ZNF782: variants seen among roughly 807,000 people sequenced by gnomAD.
ZNF782 encodes zinc finger protein 782.
ZNF782 carries 12 observed loss-of-function variants against 13.0 expected under a neutral mutation model. The observed-to-expected ratio is 0.92, with a 90% CI of 0.59 to 1.50. The LOEUF is 1.50. ZNF782 is among the 40% of genes most tolerant of loss of function. The pLI, the probability that ZNF782 is intolerant of heterozygous loss-of-function variation, is 0.00. For missense variants in ZNF782, 770 were observed against 822.9 expected, an observed-to-expected ratio of 0.94 and a Z score of 0.79; for synonymous variants, 284 against 283.0, an observed-to-expected ratio of 1.00 and a Z score of -0.04.
intron 1 of ZNF782, among the ~76,000 whole-genome samples, chr9:96,863,292 A>G (rs1162906564): frequency 6.6e-6 from 1 of 152,106 alleles, no homozygotes. Flanking sequence ...GGGAAATGCA[A>G]ACGAAAACCA....
At chr9:96,831,850 C>T (rs2406183) in intron 4 of ZNF782, among the ~76,000 whole-genome samples, 1,714 of 152,090 alleles carry the variant, frequency 0.011, 47 homozygotes, top group African/African-American at 0.039. Flanking sequence ...ATTAATGTTC[C>T]ATGGTATACC....
the ZNF782 span, among the ~76,000 whole-genome samples, chr9:96,911,507 T>G: frequency 6.1e-5 from 9 of 147,746 alleles, no homozygotes; most frequent in Non-Finnish European, 7.4e-5. Flanking sequence ...AAGTTTTTTT[T>G]TTGTTTTTGT....
the ZNF782 span, chr9:96,889,770 ATGTG>A: frequency 3.3e-5 from 5 of 151,960 alleles, no homozygotes; most frequent in African/African-American, 7.2e-5. Flanking sequence ...ATATATATGT[ATGTG>A]TGTGTGTGTA....
the ZNF782 span, chr9:96,933,525 C>T: frequency 6.6e-6 from 1 of 151,950 alleles, no homozygotes; most frequent in African/African-American, 2.4e-5. Flanking sequence ...TGCCCGCCAC[C>T]ATGCCCGGCT....
chr9:96,838,849 G>A (rs1375864768), intron 4 of ZNF782, among the ~76,000 whole-genome samples: 1 of 151,722 alleles, frequency 6.6e-6, no homozygotes, highest in Non-Finnish European at 1.5e-5. Flanking sequence ...CCAAGTAGCT[G>A]GAATTACAGG....
At chr9:96,880,915 G>A in the ZNF782 span, among the ~76,000 whole-genome samples, 66 of 152,098 alleles carry the variant, frequency 4.3e-4, no homozygotes, top group Non-Finnish European at 8.1e-4. Flanking sequence ...TATGCCTGGA[G>A]ATTTCCTTTT....
Position 96,845,008 on chromosome 9 carries a change from C to T in ZNF782, c.24G>A (p.Val8=). The part of the protein sequence containing the change: MNTFQAS[V]SFQDVTVEFS... ...ATTCCACAGTCACGTCCTGGAATGA[C>T]ACTGATGCCTGTAACAGCGCATTTC... The change falls in exon 4 of 6, where the codon GTG becomes GTA. Residue 8 remains valine, a synonymous_variant. Transcript: ENST00000481138. The T allele has an allele frequency of 6.2e-7, 1 of 1,614,018 alleles. No individual in the cohort carries two copies. Among genetic ancestry groups the T allele is most frequent in the African/African-American group, 1.3e-5 (1 of 75,030 alleles).
At chr9:96,872,199 T>A (rs1237554456) in intron 1 of ZNF782, among the ~76,000 whole-genome samples, 2 of 152,238 alleles carry the variant, frequency 1.3e-5, no homozygotes, top group African/African-American at 4.8e-5. Context: ...TTATTTCTCA[T>A]GTTTACATTA....
chr9:96,932,530 G>T, the ZNF782 span: 2 of 1,290,876 alleles, frequency 1.5e-6, no homozygotes, highest in Non-Finnish European at 1.1e-6. Context: ...TTGTGAGGGT[G>T]ATGGGTTGTG....
Position 96,818,913 on chromosome 9 carries a change from T to C in ZNF782, c.1110A>G (p.Glu370=). ...AATTCATAGAGCAGGATTTCCCACA[T>C]TCATTATACTCATAGGGTTTTGCCC... The part of the protein sequence containing the change: ...HIRAKPYEYN[E]CGKSCSMNSH... Residue 370 remains glutamate (E), a synonymous_variant, in exon 6 of 6, where the codon GAA becomes GAG. Transcript: ENST00000481138. The C allele has an allele frequency of 6.2e-7, 1 of 1,614,228 alleles. No homozygotes were observed. The highest frequency in any genetic ancestry group is 8.5e-7 in the Non-Finnish European group (1 of 1,180,028).
intron 4 of ZNF782, among the ~76,000 whole-genome samples, chr9:96,828,947 A>G (rs1166301663): frequency 6.6e-6 from 1 of 152,156 alleles, no homozygotes; most frequent in East Asian, 1.9e-4. Context: ...TAATATATGC[A>G]GAAGAACAAA....
chr9:96,866,957 T>C (rs1394799777), intron 1 of ZNF782, among the ~76,000 whole-genome samples: 8 of 152,220 alleles, frequency 5.3e-5, no homozygotes, highest in Non-Finnish European at 1.2e-4. Flanking sequence ...GTACCCCCAT[T>C]GTATCTAGGA....
At chr9:96,895,488 A>C in the ZNF782 span, 2 of 152,238 alleles carry the variant, frequency 1.3e-5, no homozygotes, top group Non-Finnish European at 2.9e-5. Context: ...ATCTCCTTAA[A>C]TAATGAGGAG....
chr9:96,820,152 A>G (rs1469393127), intron 5 of ZNF782, among the ~76,000 whole-genome samples: 2 of 152,226 alleles, frequency 1.3e-5, no homozygotes, highest in Non-Finnish European at 1.5e-5. Flanking sequence ...ACCAACATGA[A>G]GTAGATAACA....
At chr9:96,878,018 T>A (rs1284774420), upstream of ZNF782, among the ~76,000 whole-genome samples, 3 of 152,228 alleles carry the variant, frequency 2.0e-5, no homozygotes, top group Admixed American at 6.5e-5. Flanking sequence ...TGGCAACTTG[T>A]TAACTTGTTA....
chr9:96,880,538 A>T (rs1851949551), upstream of ZNF782, among the ~76,000 whole-genome samples: 1 of 152,212 alleles, frequency 6.6e-6, no homozygotes, highest in Non-Finnish European at 1.5e-5. Flanking sequence ...AACTGATATG[A>T]TCCTGTGGTG....
the ZNF782 span, among the ~76,000 whole-genome samples, chr9:96,911,942 G>C: frequency 6.6e-6 from 1 of 152,000 alleles, no homozygotes; most frequent in African/African-American, 2.4e-5. Context: ...GCTCACGCCT[G>C]TAATCCCAGC....
Position 96,874,322 on chromosome 9 carries a change from G to T in ZNF782, c.-457+1146C>A, listed in dbSNP as rs377476906. 1.8e-4 allele frequency among the ~76,000 whole-genome samples: 28 copies of T among 152,302 alleles called. No homozygotes were observed. In the South Asian group the frequency reaches 5.8e-3, roughly 32 times the overall value. ...ATAAACACCTTTCGTGAACCATCAC[G>T]GTGGAATTCTGTGAGGTTAAGATAT... On this transcript the variant is annotated intron_variant, in intron 1 of 5. Coordinates refer to the ZNF782 transcript ENST00000498811.
chr9:96,916,336 A>C, the ZNF782 span, among the ~76,000 whole-genome samples: 6 of 152,026 alleles, frequency 3.9e-5, no homozygotes, highest in African/African-American at 1.4e-4. Flanking sequence ...CAAAAAGTAC[A>C]AAAATTAGCC....
Sources: allele counts gnomAD v4.1 joint callset (sites outside exome capture counted in the v4.1 genomes callset), GRCh38; gene constraint gnomAD v4.1.1; transcripts MANE v1.5; gene names NCBI Gene and HGNC (gene_info 2026-07-23, HGNC 2026-07-21).